GLG1: variants seen among roughly 807,000 people sequenced by gnomAD.
The protein encoded by GLG1 is golgi glycoprotein 1.
A neutral mutation model predicts 160.5 loss-of-function variants in GLG1; 38 were observed. The ratio of observed to expected loss-of-function variants is 0.24; its 90% confidence interval spans 0.18 to 0.31. The LOEUF is 0.31. Ranked by LOEUF, GLG1 falls within the 10% of genes least tolerant of loss-of-function variation. The pLI, the probability that GLG1 is intolerant of heterozygous loss-of-function variation, is 1.00. For missense variants in GLG1, 1,373 were observed against 1,505.2 expected (o/e 0.91, Z 1.45); for synonymous variants, 644 against 543.4 (o/e 1.19, Z -2.57).
intron 1 of GLG1, among the ~76,000 whole-genome samples, chr16:74,551,597 C>G (rs554353811): frequency 6.6e-6 from 1 of 151,762 alleles, no homozygotes; most frequent in Non-Finnish European, 1.5e-5. Context: ...GAATGAGCCA[C>G]CATGCCCAGC....
intron 1 of GLG1, among the ~76,000 whole-genome samples, chr16:74,553,881 T>C (rs2018279150): frequency 6.6e-6 from 1 of 152,232 alleles, no homozygotes; most frequent in Non-Finnish European, 1.5e-5. Context: ...GAATTTTCAC[T>C]GCATATCCAA....
At chr16:74,588,635 T>C (rs1213853329) in intron 1 of GLG1, among the ~76,000 whole-genome samples, 1 of 152,008 alleles carries the variant, frequency 6.6e-6, no homozygotes, top group Non-Finnish European at 1.5e-5. Context: ...CCCAGGCTGA[T>C]CTCAAACTCC....
chr16:74,566,626 T>TC (rs1192440180), intron 1 of GLG1, among the ~76,000 whole-genome samples: 1 of 151,992 alleles, frequency 6.6e-6, no homozygotes, highest in Non-Finnish European at 1.5e-5. Flanking sequence ...GTCTCTTTTT[T>TC]TCCCCTCCAT....
intron 2 of GLG1, among the ~76,000 whole-genome samples, chr16:74,509,146 G>A (rs1039801211): frequency 1.9e-4 from 26 of 139,092 alleles, no homozygotes; most frequent in African/African-American, 6.3e-4. Context: ...TATTTTTGTC[G>A]TTTTTACTAA....
intron 4 of GLG1, among the ~76,000 whole-genome samples, chr16:74,502,336 A>C (rs1052645494): frequency 4.6e-5 from 7 of 152,184 alleles, no homozygotes; most frequent in African/African-American, 1.7e-4. Flanking sequence ...AAGTCAAAAA[A>C]TAAGATCAGA....
At chr16:74,505,136 G>T (rs906380267) in intron 3 of GLG1, among the ~76,000 whole-genome samples, 16 of 152,136 alleles carry the variant, frequency 1.1e-4, no homozygotes, top group Non-Finnish European at 2.1e-4. Flanking sequence ...CATGCCCATA[G>T]GGCAAAACAA....
intron 16 of GLG1, 164 bp downstream of exon 16, chr16:74,469,821 C>A (rs1031921698): frequency 1.6e-6 from 1 of 619,842 alleles, no homozygotes; most frequent in Non-Finnish European, 2.9e-6. Flanking sequence ...GATGCTCTGT[C>A]CAGACAGTCC....
At chr16:74,523,737 G>A (rs894151531) in intron 2 of GLG1, among the ~76,000 whole-genome samples, 1 of 151,722 alleles carries the variant, frequency 6.6e-6, no homozygotes, top group African/African-American at 2.4e-5. Flanking sequence ...AAATTGGCTT[G>A]TTAATAATAT....
chr16:74,521,506 G>A (rs941711861), intron 2 of GLG1, among the ~76,000 whole-genome samples: 1 of 152,246 alleles, frequency 6.6e-6, no homozygotes. Context: ...TGGATTGAAT[G>A]TGAAGTGTAA....
intron 8 of GLG1, among the ~76,000 whole-genome samples, chr16:74,486,920 T>C (rs1285229369): frequency 7.2e-6 from 1 of 138,902 alleles, no homozygotes; most frequent in Admixed American, 7.1e-5. Flanking sequence ...AAATCTTTTT[T>C]TTTTCCCCCC....
chr16:74,493,287 A>T, intron 6 of GLG1, 147 bp from the exon 7 acceptor site: 1 of 560,660 alleles, frequency 1.8e-6, no homozygotes, highest in Non-Finnish European at 3.1e-6. Context: ...GTTTGGTTAA[A>T]ATGTTCACAA....
chr16:74,481,521 A>G (rs1037347611), intron 10 of GLG1, among the ~76,000 whole-genome samples: 5 of 152,190 alleles, frequency 3.3e-5, no homozygotes, highest in African/African-American at 4.8e-5. Context: ...ATTTTGATTA[A>G]GGCAATACAC....
intron 13 of GLG1, chr16:74,474,053 A>T (rs1446932908): frequency 1.3e-5 from 2 of 153,894 alleles, no homozygotes; most frequent in African/African-American, 2.4e-5. Context: ...TCCCGGGTTC[A>T]AGTGATTCTC....
chr16:74,452,632 GC>G lies in GLG1; in HGVS notation c.*534del. 2 of 997,706 alleles carry G rather than the reference GC, an allele frequency of 2.0e-6. No individual in the cohort carries two copies. Among genetic ancestry groups the G allele is most frequent in the Non-Finnish European group, 2.4e-6 (2 of 836,686 alleles). The allele number at this position is 997,706 out of a possible 1,614,324, so 61.8% of individuals were successfully genotyped here. The stretch of plus-strand genomic sequence containing the variant: ...CGGTGAAGACCACGGCCCTGGCGAG[GC>G]CCCAAGGTGCTTCTGAGAGATGAAC... On this transcript the variant is annotated 3_prime_UTR_variant, in exon 26 of 26. Coordinates refer to ENST00000422840, the MANE Select transcript of GLG1 (RefSeq NM_001145667.2).
chr16:74,555,910 G>C (rs2018339487), intron 1 of GLG1, among the ~76,000 whole-genome samples: 1 of 151,414 alleles, frequency 6.6e-6, no homozygotes, highest in African/African-American at 2.4e-5. Flanking sequence ...CACGATCATG[G>C]CTCGCTGCAG....
At chr16:74,481,946 C>T (rs919742866) in intron 10 of GLG1, among the ~76,000 whole-genome samples, 1 of 152,052 alleles carries the variant, frequency 6.6e-6, no homozygotes, top group Non-Finnish European at 1.5e-5. Context: ...CCACCTACGC[C>T]CGGCTAATTT....
intron 13 of GLG1, among the ~76,000 whole-genome samples, chr16:74,473,582 G>A (rs1289699346): frequency 6.6e-6 from 1 of 151,528 alleles, no homozygotes; most frequent in Non-Finnish European, 1.5e-5. Flanking sequence ...TGGGACTACA[G>A]GCACCCGCCA....
chr16:74,597,667 C>T (rs1358140493), intron 1 of GLG1, among the ~76,000 whole-genome samples: 1 of 151,662 alleles, frequency 6.6e-6, no homozygotes, highest in Non-Finnish European at 1.5e-5. Context: ...TCCTGACTAA[C>T]ACAGTGAAAT....
At position 74,493,758 on chromosome 16, in the gene GLG1, G is replaced by A. The variant is rs547478255; in HGVS notation, c.1051-618C>T. Among the ~76,000 whole-genome samples the A allele has an allele frequency of 4.6e-5, 7 of 152,306 alleles. No individual in the cohort carries two copies. The East Asian group carries it at 7.7e-4, about 17-fold the overall frequency. On this transcript the variant is annotated intron_variant, in intron 6 of 25. Transcript: ENST00000422840. ...GAGGATGCTTAATGATATAGCTGCT[G>A]AAAAATTAAATAGCTAATTGCCTAG...
Sources: gnomAD v4.1 joint callset for allele counts (sites outside exome capture counted in the v4.1 genomes callset) on GRCh38, gnomAD v4.1.1 for gene constraint, MANE v1.5 for transcripts, NCBI Gene and HGNC (gene_info 2026-07-23, HGNC 2026-07-21) for gene names.